The following IL1RAPL2 variants were observed in gnomAD, a reference collection of about 807,000 sequenced individuals.
The protein encoded by IL1RAPL2 is interleukin 1 receptor accessory protein like 2.
In IL1RAPL2, 3 loss-of-function variants were observed where a neutral mutation model predicts 44.1. That is an observed-to-expected ratio of 0.07 (90% CI 0.03 to 0.18). IL1RAPL2 has a LOEUF of 0.18. IL1RAPL2 is among the 10% of genes least tolerant of loss of function. The probability of loss-of-function intolerance (pLI) is 1.00; values close to 1 mark genes in which losing one functional copy is unlikely to be tolerated. For synonymous variants in IL1RAPL2, 181 were observed against 178.8 expected (o/e 1.01, Z -0.10); for missense variants, 391 against 496.4 (o/e 0.79, Z 2.02).
chrX:104,937,017 T>A (rs1432487230), intron 2 of IL1RAPL2, among the ~76,000 whole-genome samples: 2 of 111,941 alleles, frequency 1.8e-5, no homozygotes. Context: ...GTGATCTTTC[T>A]TTTCTCCATG....
intron 5 of IL1RAPL2, among the ~76,000 whole-genome samples, chrX:105,446,806 A>T (rs1167055175): frequency 1.9e-5 from 2 of 108,010 alleles, no homozygotes; most frequent in African/African-American, 6.7e-5. Flanking sequence ...CTTTCTACTT[A>T]AGTGAAGAGT....
At chrX:105,447,588 TATAAATATAA>T (rs1490482115) in intron 5 of IL1RAPL2, among the ~76,000 whole-genome samples, 4 of 72,595 alleles carry the variant, frequency 5.5e-5, no homozygotes, top group African/African-American at 2.2e-4. Context: ...TATATATTTA[TATAAATATAA>T]ATAAATATAA....
chrX:104,801,905 A>G (rs760089016), intron 2 of IL1RAPL2, among the ~76,000 whole-genome samples: 1 of 111,811 alleles, frequency 8.9e-6, no homozygotes, highest in African/African-American at 3.2e-5. Context: ...TTTACAACAA[A>G]TATTTTTTCT....
Position 105,318,042 on chromosome X carries a change from G to A in IL1RAPL2, c.697+50501G>A, listed in dbSNP as rs530698867. Among the ~76,000 whole-genome samples the A allele has an allele frequency of 2.7e-3, 288 of 107,228 alleles. 2 individuals carry two copies. Among genetic ancestry groups the A allele is most frequent in the Non-Finnish European group, 3.7e-3 (191 of 51,893 alleles). The allele number at this position is 107,228 out of a possible 115,157, so 93.1% of individuals were successfully genotyped here. A position where few individuals can be genotyped will look rare whatever the true frequency, so the allele number is the denominator to read the frequency against. The stretch of plus-strand genomic sequence containing the variant: ...GGCTGGAGTGCAGTGGCGCGATCTC[G>A]GCTCACTGCAAGCTCCGCCTCCCGG... On this transcript the variant is annotated intron_variant, in intron 5 of 10. Coordinates refer to ENST00000372582, the MANE Select transcript of IL1RAPL2 (RefSeq NM_017416.2).
chrX:105,523,834 G>A (rs932770973), intron 6 of IL1RAPL2, among the ~76,000 whole-genome samples: 1 of 111,032 alleles, frequency 9.0e-6, no homozygotes, highest in African/African-American at 3.3e-5. Flanking sequence ...AGATGGATAT[G>A]TAATGCATAA....
At chrX:104,905,691 GT>G (rs1449286568) in intron 2 of IL1RAPL2, among the ~76,000 whole-genome samples, 1 of 111,486 alleles carries the variant, frequency 9.0e-6, no homozygotes, top group Non-Finnish European at 1.9e-5. Flanking sequence ...GTACCATGCT[GT>G]TTTGGTTACT....
intron 3 of IL1RAPL2, chrX:105,220,697 A>G (rs1029273712): frequency 7.9e-6 from 2 of 251,852 alleles, no homozygotes; most frequent in African/African-American, 5.6e-5. Context: ...AGGGAAAGGA[A>G]GACTCAGGGC....
intron 2 of IL1RAPL2, among the ~76,000 whole-genome samples, chrX:104,949,122 C>T (rs776443997): frequency 1.3e-4 from 14 of 110,794 alleles, no homozygotes; most frequent in African/African-American, 3.9e-4. Flanking sequence ...TTCAGAGATT[C>T]ATCTTCTTCC....
chrX:104,999,145 C>G (rs905356603), intron 2 of IL1RAPL2, among the ~76,000 whole-genome samples: 1 of 111,812 alleles, frequency 8.9e-6, no homozygotes, highest in African/African-American at 3.2e-5. Flanking sequence ...AGGAGGAGGA[C>G]TGATTACCCA....
At chrX:104,932,803 G>A (rs1924939282) in intron 2 of IL1RAPL2, among the ~76,000 whole-genome samples, 1 of 112,135 alleles carries the variant, frequency 8.9e-6, no homozygotes, top group Non-Finnish European at 1.9e-5. Context: ...CTAGAGTTTG[G>A]GCTGGGAAAT....
intron 6 of IL1RAPL2, among the ~76,000 whole-genome samples, chrX:105,589,916 G>A (rs1171784010): frequency 1.8e-5 from 2 of 111,798 alleles, no homozygotes; most frequent in African/African-American, 6.5e-5. Flanking sequence ...TGTAAAAAGT[G>A]TTCTTGGTAG....
intron 7 of IL1RAPL2, among the ~76,000 whole-genome samples, chrX:105,730,095 C>G (rs1489534380): frequency 9.0e-6 from 1 of 110,822 alleles, no homozygotes; most frequent in Non-Finnish European, 1.9e-5. Context: ...TTAAAAGTAA[C>G]CTAAATATAT....
At chrX:105,684,315 G>A (rs2037950861) in intron 6 of IL1RAPL2, among the ~76,000 whole-genome samples, 4 of 112,492 alleles carry the variant, frequency 3.6e-5, no homozygotes, top group African/African-American at 1.3e-4. Flanking sequence ...GGAAAAATGG[G>A]ACATTCCTGC....
intron 1 of IL1RAPL2, among the ~76,000 whole-genome samples, chrX:104,623,696 G>T (rs1030592347): frequency 1.8e-5 from 2 of 111,046 alleles, no homozygotes; most frequent in Non-Finnish European, 3.8e-5. Context: ...GCCTCCCCAG[G>T]TTTTGGGGGA....
At chrX:105,764,394 C>T (rs1241508511) in intron 10 of IL1RAPL2, among the ~76,000 whole-genome samples, 1 of 112,014 alleles carries the variant, frequency 8.9e-6, no homozygotes, top group Non-Finnish European at 1.9e-5. Flanking sequence ...CAAAAAGAAG[C>T]TAGCAAAGCC....
At chrX:104,631,069 A>G (rs1208091809) in intron 1 of IL1RAPL2, among the ~76,000 whole-genome samples, 1 of 110,508 alleles carries the variant, frequency 9.0e-6, no homozygotes, top group Admixed American at 9.6e-5. Context: ...ATTCCCACCT[A>G]TGAGTGAGAA....
rs768493681 is a variant in IL1RAPL2, at chrX:105,767,061, C to T, written c.1461C>T (p.Phe487=). 1.7e-5 allele frequency: 21 copies of T among 1,202,797 alleles called. No individual in the cohort carries two copies. The Admixed American group carries it at 2.6e-4, about 15-fold the overall frequency. Residue 487 remains phenylalanine, a synonymous_variant, in exon 11 of 11, where the codon TTC becomes TTT. Coordinates refer to ENST00000372582, the MANE Select transcript of IL1RAPL2 (RefSeq NM_017416.2). ...TTCTCAGACGGGGATGGAGTATTTTCGAACTGGAAAGCAGACTCCATAACA... is the reference window on the plus strand; with the variant it reads ...TTCTCAGACGGGGATGGAGTATTTTTGAACTGGAAAGCAGACTCCATAACA... ...DYILRRGWSI[F]ELESRLHNML...
chrX:105,516,898 G>A (rs763643508), intron 6 of IL1RAPL2, among the ~76,000 whole-genome samples: 112 of 111,687 alleles, frequency 1.0e-3, no homozygotes, highest in African/African-American at 3.3e-3. Context: ...TGTCCTAAAC[G>A]ATTTTAGAGG....
intron 2 of IL1RAPL2, among the ~76,000 whole-genome samples, chrX:105,042,822 C>G (rs2147760363): frequency 1.9e-5 from 2 of 107,395 alleles, no homozygotes; most frequent in Non-Finnish European, 3.8e-5. Context: ...AGACTTGGAA[C>G]CAACCCAAAT....
Sources: gnomAD v4.1 joint callset for allele counts (sites outside exome capture counted in the v4.1 genomes callset) on GRCh38, gnomAD v4.1.1 for gene constraint, MANE v1.5 for transcripts, NCBI Gene and HGNC (gene_info 2026-07-23, HGNC 2026-07-21) for gene names.